Variants in SCN3A observed in about 807,000 individuals in gnomAD.
SCN3A encodes the protein sodium voltage-gated channel alpha subunit 3.
A neutral mutation model predicts 187.6 loss-of-function variants in SCN3A; 60 were observed. The observed-to-expected ratio is 0.32, with a 90% CI of 0.26 to 0.40. The LOEUF is 0.40. SCN3A is among the 10% of genes least tolerant of loss of function. The pLI is 1.00. For synonymous variants in SCN3A, 788 were observed against 829.2 expected (o/e 0.95, Z 0.85); for missense variants, 1,601 against 2,428.2 (o/e 0.66, Z 7.16).
intron 12 of SCN3A, among the ~76,000 whole-genome samples, chr2:165,142,230 A>T (rs1303926949): frequency 6.6e-6 from 1 of 152,190 alleles, no homozygotes; most frequent in African/African-American, 2.4e-5. Context: ...TCTAAGCTTT[A>T]GTGTAAAACC....
intron 6 of SCN3A, 188 bp from the exon 7 acceptor site, chr2:165,163,897 C>T: frequency 6.2e-7 from 1 of 1,612,764 alleles, no homozygotes; most frequent in Non-Finnish European, 8.5e-7. Flanking sequence ...TACATACCTG[C>T]AGAATTAAAT....
chr2:165,155,104 C>G (rs954637874), intron 10 of SCN3A, among the ~76,000 whole-genome samples: 2 of 152,192 alleles, frequency 1.3e-5, no homozygotes. Flanking sequence ...TTCACATCAA[C>G]ATCACTGATT....
intron 18 of SCN3A, chr2:165,119,745 C>T (rs1047425589): frequency 3.9e-5 from 6 of 152,062 alleles, no homozygotes; most frequent in African/African-American, 1.4e-4. Flanking sequence ...TAAAGAATAA[C>T]TTACTTTCTT....
chr2:165,196,998 C>A (rs1692005792), intron 1 of SCN3A, among the ~76,000 whole-genome samples: 1 of 152,048 alleles, frequency 6.6e-6, no homozygotes, highest in African/African-American at 2.4e-5. Context: ...TGCTCAGCTC[C>A]AAATGTGTAC....
intron 4 of SCN3A, among the ~76,000 whole-genome samples, chr2:165,169,269 T>C (rs879299367): frequency 1.3e-5 from 2 of 151,992 alleles, no homozygotes; most frequent in African/African-American, 2.4e-5. Context: ...AAGATTACAT[T>C]GATTGAGAAT....
rs145197227 is a variant in SCN3A, at chr2:165,090,201, G to A, written c.5952C>T (p.Asp1984=). ...TTCCTTTGCTTTCTTTTTCTGGTTTGTCTTTCTCAAACTTTTCCTTGTCTG... is the reference window on the plus strand; with the variant it reads ...TTCCTTTGCTTTCTTTTTCTGGTTTATCTTTCTCAAACTTTTCCTTGTCTG... ...TKPDKEKFEK[D]KPEKESKGKE... Residue 1984 remains aspartate, a synonymous_variant, in exon 28 of 28, where the codon GAC becomes GAT. Transcript: ENST00000283254. This position sits in a 1 kb window ranked among gnomAD's most constrained non-coding sequence, Gnocchi z 4.0. 375 of 1,603,868 alleles carry A rather than the reference G, an allele frequency of 2.3e-4. No homozygotes were observed. In the African/African-American group the frequency reaches 4.4e-3, roughly 19 times the overall value.
chr2:165,148,016 G>A (rs1214214372), intron 11 of SCN3A, among the ~76,000 whole-genome samples: 2 of 152,032 alleles, frequency 1.3e-5, no homozygotes, highest in Non-Finnish European at 2.9e-5. Flanking sequence ...TTTTACATAT[G>A]TCATCACTAA....
At chr2:165,099,067 A>G (rs115989420) in intron 22 of SCN3A, among the ~76,000 whole-genome samples, 1,580 of 152,342 alleles carry the variant, frequency 0.01, 18 homozygotes, top group African/African-American at 0.03. Flanking sequence ...TTTGATTACA[A>G]TGATTCTGGA....
chr2:165,114,105 T>C (rs1048470698), intron 19 of SCN3A, 135 bp from the exon 20 acceptor site: 22 of 579,144 alleles, frequency 3.8e-5, no homozygotes, highest in Non-Finnish European at 6.0e-5. Flanking sequence ...TTCCTAGTTA[T>C]CGTCAGCATC....
chr2:165,188,457 A>G (rs1405226196), intron 1 of SCN3A, among the ~76,000 whole-genome samples: 1 of 152,156 alleles, frequency 6.6e-6, no homozygotes, highest in Non-Finnish European at 1.5e-5. Context: ...ATTATATAAA[A>G]TTGGACTCTA....
At position 165,088,824 on chromosome 2, in the gene SCN3A, A is replaced by G. The variant is rs1014866968; in HGVS notation, c.*1326T>C. 6.6e-6 allele frequency: 1 copy of G among 152,598 alleles called. No homozygotes were observed. The highest frequency in any genetic ancestry group is 2.4e-5 in the African/African-American group (1 of 41,466). 9.5% of individuals were successfully genotyped at this position (152,598 alleles called of 1,614,324 possible). ...ATATTTTTAGCAAAATATGAAGAAT[A>G]GGTTTTGTCAGTAGGCAGTATCCAG... On this transcript the variant is annotated 3_prime_UTR_variant, in exon 28 of 28. Coordinates refer to ENST00000283254, the MANE Select transcript of SCN3A (RefSeq NM_006922.4).
chr2:165,139,203 A>G (rs989165631), intron 14 of SCN3A, among the ~76,000 whole-genome samples: 1 of 152,194 alleles, frequency 6.6e-6, no homozygotes, highest in Non-Finnish European at 1.5e-5. Flanking sequence ...CTATTTGCAT[A>G]TGAGTAACAT....
intron 1 of SCN3A, among the ~76,000 whole-genome samples, chr2:165,193,901 T>C (rs992032069): frequency 6.6e-6 from 1 of 152,084 alleles, no homozygotes; most frequent in Non-Finnish European, 1.5e-5. Context: ...CACAGGATGA[T>C]TTAGGTGTGT....
At chr2:165,195,044 T>C (rs1691860827) in intron 1 of SCN3A, 1 of 152,120 alleles carries the variant, frequency 6.6e-6, no homozygotes, top group African/African-American at 2.4e-5. Flanking sequence ...TGTTCAGTGC[T>C]CAATTCTTTT....
chr2:165,150,978 A>C (rs1225040946), intron 11 of SCN3A, among the ~76,000 whole-genome samples: 2 of 152,186 alleles, frequency 1.3e-5, no homozygotes, highest in African/African-American at 4.8e-5. Flanking sequence ...GACATAGAAT[A>C]AAACTCTTAA....
At position 165,146,978 on chromosome 2, in the gene SCN3A, A is replaced by G. The variant is rs773493810; in HGVS notation, c.1432T>C (p.Leu478=). The G allele has an allele frequency of 1.8e-5, 29 of 1,613,952 alleles. No homozygotes were observed. The highest frequency in any genetic ancestry group is 2.5e-5 in the Non-Finnish European group (29 of 1,179,928). ...ASRDFSGIGG[L]GELLESSSEA... ...GAAGAACTTTCCAACAGCTCTCCTA[A>G]CCCACCTATTCCACTGAAATCTCTT... is the stretch of plus-strand genomic sequence containing the variant. Residue 478 remains leucine (L), a synonymous_variant, in exon 12 of 28, where the codon TTA becomes CTA. Transcript: ENST00000283254.
intron 18 of SCN3A, among the ~76,000 whole-genome samples, chr2:165,116,871 G>A (rs1051017276): frequency 5.3e-5 from 8 of 151,246 alleles, no homozygotes; most frequent in African/African-American, 1.9e-4. Context: ...GTACCTCCTA[G>A]GTTGGAGTAT....
At chr2:165,128,426 CGAGAGAGAGAGA>C (rs35511955) in intron 17 of SCN3A, among the ~76,000 whole-genome samples, 3 of 141,206 alleles carry the variant, frequency 2.1e-5, no homozygotes, top group Admixed American at 2.0e-4. Flanking sequence ...ATTCTGCCAA[CGAGAGAGAGAGA>C]GAGAGAGAGA....
chr2:165,167,387 A>G (rs1196539983), intron 5 of SCN3A, among the ~76,000 whole-genome samples: 3 of 152,080 alleles, frequency 2.0e-5, no homozygotes, highest in African/African-American at 7.2e-5. Flanking sequence ...TTTAAATAAC[A>G]TGTTAAATAA....
Sources: allele counts gnomAD v4.1 joint callset (sites outside exome capture counted in the v4.1 genomes callset), GRCh38; gene constraint gnomAD v4.1.1; non-coding constraint Gnocchi (gnomAD v3.1); transcripts MANE v1.5; gene names NCBI Gene and HGNC (gene_info 2026-07-23, HGNC 2026-07-21).